RELN: variants seen among roughly 807,000 people sequenced by gnomAD.
RELN encodes the protein reelin.
In RELN, 108 loss-of-function variants were observed where a neutral mutation model predicts 427.6. The ratio of observed to expected loss-of-function variants is 0.25; its 90% CI spans 0.22 to 0.30. The LOEUF (loss-of-function observed/expected upper bound fraction) is 0.30, where lower values mean the gene tolerates loss of function less well. Among genes scored for constraint, RELN ranks in the 10% least tolerant of loss-of-function variants. The pLI, the probability that RELN is intolerant of heterozygous loss-of-function variation, is 1.00. For missense variants in RELN, 3,715 were observed against 4,302.8 expected, an observed-to-expected ratio of 0.86 and a Z score of 3.82; for synonymous variants, 1,524 against 1,513.4, an observed-to-expected ratio of 1.01 and a Z score of -0.16.
intron 52 of RELN, among the ~76,000 whole-genome samples, 166 bp downstream of exon 52, chr7:103,502,847 CTCA>C (rs1397683877): frequency 6.6e-6 from 1 of 152,194 alleles, no homozygotes; most frequent in Non-Finnish European, 1.5e-5. Context: ...CTGAAGTTAG[CTCA>C]TCATGGAAGT....
chr7:103,989,027 A>G lies in RELN; in HGVS notation c.226+104T>C. On this transcript the variant is annotated intron_variant, in intron 1 of 64. Transcript: ENST00000428762. This position sits in a 1 kb window ranked among gnomAD's most constrained non-coding sequence, Gnocchi z 4.9. The stretch of plus-strand genomic sequence containing the variant: ...GCGCATCGCTGGGGCCAGGGTTGTC[A>G]TGGTTCTTGTTTCCAAGGCCCCTTG... 1.9e-6 allele frequency: 2 copies of G among 1,038,974 alleles called. No individual in the cohort carries two copies. Among genetic ancestry groups the G allele is most frequent in the Non-Finnish European group, 3.0e-6 (2 of 667,072 alleles). 64.4% of individuals were successfully genotyped at this position (1,038,974 alleles called of 1,614,324 possible). A position where few individuals can be genotyped will look rare whatever the true frequency, so the allele number is the denominator to read the frequency against.
intron 4 of RELN, among the ~76,000 whole-genome samples, chr7:103,755,645 ATAAT>A (rs1224345372): frequency 4.8e-5 from 7 of 146,876 alleles, no homozygotes; most frequent in Non-Finnish European, 1.0e-4. Flanking sequence ...ATAAAATAAA[ATAAT>A]TAAATAACAT....
At chr7:103,698,511 A>G (rs1285824678) in intron 9 of RELN, among the ~76,000 whole-genome samples, 4 of 152,108 alleles carry the variant, frequency 2.6e-5, no homozygotes, top group Non-Finnish European at 1.5e-5. Context: ...AAAAAATATA[A>G]AAGTGTGATT....
chr7:103,744,827 G>A (rs7781729), intron 6 of RELN, among the ~76,000 whole-genome samples: 33,185 of 151,904 alleles, frequency 0.22, 4,784 homozygotes, highest in African/African-American at 0.41. Context: ...GCCAAATTCT[G>A]CCAGAGGTAC....
intron 27 of RELN, among the ~76,000 whole-genome samples, chr7:103,590,124 T>G (rs1360297771): frequency 1.3e-5 from 2 of 152,186 alleles, no homozygotes; most frequent in Non-Finnish European, 2.9e-5. Flanking sequence ...ACAAAAGATA[T>G]GCCAAGAAGC....
intron 3 of RELN, among the ~76,000 whole-genome samples, chr7:103,809,164 A>G (rs998083298): frequency 1.3e-5 from 2 of 152,170 alleles, no homozygotes; most frequent in African/African-American, 4.8e-5. Context: ...TCCAATTCTG[A>G]GGGACACATT....
chr7:103,478,275 GA>G (rs1396617785), intron 64 of RELN, 113 bp downstream of exon 64: 4 of 616,828 alleles, frequency 6.5e-6, no homozygotes, highest in South Asian at 3.8e-5. Context: ...TGTTTTCATA[GA>G]TTTTTTTTTT....
At chr7:103,860,231 A>T (rs1172777576) in intron 2 of RELN, among the ~76,000 whole-genome samples, 2 of 152,214 alleles carry the variant, frequency 1.3e-5, no homozygotes, top group Admixed American at 1.3e-4. Flanking sequence ...AACACTTAAT[A>T]TTCATCATAT....
chr7:103,480,321 T>C (rs1426623864), intron 63 of RELN, among the ~76,000 whole-genome samples: 2 of 152,222 alleles, frequency 1.3e-5, no homozygotes, highest in Non-Finnish European at 2.9e-5. Context: ...TTGTGCCTCA[T>C]ATGATTGAAG....
intron 3 of RELN, among the ~76,000 whole-genome samples, chr7:103,778,122 C>T (rs1366540092): frequency 1.3e-5 from 2 of 152,138 alleles, no homozygotes; most frequent in South Asian, 2.1e-4. Flanking sequence ...TTTTTCTTTG[C>T]TTTCAGAAAG....
chr7:103,926,770 G>A (rs368744846), intron 1 of RELN, among the ~76,000 whole-genome samples: 69 of 150,424 alleles, frequency 4.6e-4, no homozygotes, highest in African/African-American at 1.7e-3. Context: ...TCAGCCTCCC[G>A]AGTAGCTCGG....
At chr7:103,809,649 G>A (rs1792687836) in intron 3 of RELN, among the ~76,000 whole-genome samples, 1 of 152,194 alleles carries the variant, frequency 6.6e-6, no homozygotes, top group Non-Finnish European at 1.5e-5. Flanking sequence ...AAATTACAGT[G>A]CAGTCTTTGA....
intron 31 of RELN, among the ~76,000 whole-genome samples, chr7:103,571,271 G>A (rs968131909): frequency 1.3e-5 from 2 of 152,200 alleles, no homozygotes; most frequent in African/African-American, 2.4e-5. Context: ...CGGTTTGGAG[G>A]AGGATGCATC....
At chr7:103,728,072 A>T in intron 7 of RELN, 39 bp downstream of exon 7, 1 of 1,596,528 alleles carries the variant, frequency 6.3e-7, no homozygotes, top group East Asian at 2.2e-5. Context: ...CTCAGTAAAT[A>T]CTATAATGGA....
chr7:103,894,520 A>C (rs1230163221), intron 2 of RELN, among the ~76,000 whole-genome samples: 1 of 152,196 alleles, frequency 6.6e-6, no homozygotes, highest in Non-Finnish European at 1.5e-5. Context: ...AAAACTGTTA[A>C]CTTTTTAAAA....
At chr7:103,791,772 A>T (rs1212400855) in intron 3 of RELN, among the ~76,000 whole-genome samples, 1 of 72,302 alleles carries the variant, frequency 1.4e-5, no homozygotes, top group Non-Finnish European at 2.7e-5. Context: ...GATACCATTT[A>T]AAAAGTTTTT....
intron 1 of RELN, among the ~76,000 whole-genome samples, chr7:103,958,808 T>A (rs1286551046): frequency 6.6e-6 from 1 of 152,170 alleles, no homozygotes; most frequent in African/African-American, 2.4e-5. Context: ...TTAGACTTTA[T>A]ATCTTAGAAA....
At chr7:103,948,586 T>C (rs905633852) in intron 1 of RELN, among the ~76,000 whole-genome samples, 4 of 151,970 alleles carry the variant, frequency 2.6e-5, no homozygotes, top group Non-Finnish European at 4.4e-5. Context: ...GGCAGGAGAA[T>C]TGCTTGAACC....
chr7:103,922,626 G>A (rs550212227), intron 1 of RELN, among the ~76,000 whole-genome samples: 3 of 152,106 alleles, frequency 2.0e-5, no homozygotes, highest in African/African-American at 7.2e-5. Context: ...GGCTCAAAGA[G>A]TACCTCTGTC....
Sources: allele counts gnomAD v4.1 joint callset (sites outside exome capture counted in the v4.1 genomes callset), GRCh38; gene constraint gnomAD v4.1.1; non-coding constraint Gnocchi (gnomAD v3.1); transcripts MANE v1.5; gene names NCBI Gene and HGNC (gene_info 2026-07-23, HGNC 2026-07-21).